The following TMEM41B variants were observed in gnomAD, a reference collection of about 807,000 sequenced individuals.
TMEM41B encodes the protein protein stasimon.
Under a neutral mutation model 31.9 loss-of-function variants are expected in TMEM41B, and 18 were observed. That is an observed-to-expected ratio of 0.56 (90% CI 0.39 to 0.84). The LOEUF is 0.84. Ranked by LOEUF, TMEM41B falls within the 40% of genes least tolerant of loss-of-function variation. The pLI, the probability that TMEM41B is intolerant of heterozygous loss-of-function variation, is 0.00. For synonymous variants in TMEM41B, 144 were observed against 124.3 expected, an observed-to-expected ratio of 1.16 and a Z score of -1.05; for missense variants, 322 against 348.0, an observed-to-expected ratio of 0.93 and a Z score of 0.59.
rs1303767257 is a variant in TMEM41B, at chr11:9,286,725, C to T, written c.568-132G>A. 17 of 938,490 alleles carry T rather than the reference C, an allele frequency of 1.8e-5. No individual in the cohort carries two copies. In the East Asian group the frequency reaches 2.4e-4, roughly 13 times the overall value. 58.1% of individuals were successfully genotyped at this position (938,490 alleles called of 1,614,324 possible). On this transcript the variant is annotated intron_variant, in intron 5 of 6. Transcript: ENST00000528080. ...TACCCAATAGAAATGATCAGGCTGG[C>T]GAGGTGGTTCATGCCTGTAATCCCA...
intron 2 of TMEM41B, among the ~76,000 whole-genome samples, chr11:9,297,742 C>A (rs1211483402): frequency 2.0e-5 from 3 of 151,818 alleles, no homozygotes; most frequent in African/African-American, 7.3e-5. Context: ...CGCTATGTGA[C>A]CCAGGCTGTT....
rs370500600 is a variant in TMEM41B at position 9,283,910 on chromosome 11, G to A, written c.707-317C>T. Among the ~76,000 whole-genome samples the A allele has an allele frequency of 1.3e-4, 20 of 151,588 alleles. No homozygotes were observed. The East Asian group carries it at 1.8e-3, about 13-fold the overall frequency. ...AACAATTCTCCTGCCTCAGCCTCCC[G>A]AGTAGCTGGGATTACAGGCATGTGC... On this transcript the variant is annotated intron_variant, in intron 6 of 6. Coordinates refer to ENST00000528080, the MANE Select transcript of TMEM41B (RefSeq NM_015012.4).
intron 3 of TMEM41B, among the ~76,000 whole-genome samples, chr11:9,292,237 A>G (rs1044534001): frequency 5.3e-5 from 8 of 152,148 alleles, no homozygotes; most frequent in African/African-American, 1.2e-4. Flanking sequence ...TTGGATACTT[A>G]GGGTAGTTTA....
chr11:9,289,735 A>G (rs1017214689), intron 3 of TMEM41B, among the ~76,000 whole-genome samples: 36 of 152,256 alleles, frequency 2.4e-4, no homozygotes, highest in African/African-American at 8.2e-4. Context: ...CTTTTTCTCA[A>G]TAGTCACCTT....
intron 3 of TMEM41B, 128 bp downstream of exon 3, chr11:9,295,131 A>G: frequency 9.2e-7 from 1 of 1,091,780 alleles, no homozygotes; most frequent in Non-Finnish European, 1.2e-6. Flanking sequence ...TAATTTTTCA[A>G]TTATTTAATA....
chr11:9,309,934 C>A (rs1370711605), intron 1 of TMEM41B, among the ~76,000 whole-genome samples: 3 of 148,100 alleles, frequency 2.0e-5, no homozygotes, highest in Non-Finnish European at 3.0e-5. Flanking sequence ...AAAAAAAAAA[C>A]AAAAGAACAA....
At chr11:9,304,483 A>C (rs1422051632) in intron 1 of TMEM41B, among the ~76,000 whole-genome samples, 1 of 151,978 alleles carries the variant, frequency 6.6e-6, no homozygotes, top group Non-Finnish European at 1.5e-5. Flanking sequence ...TTATTTATTT[A>C]CTTTTATGAG....
intron 1 of TMEM41B, among the ~76,000 whole-genome samples, chr11:9,310,745 A>C (rs1853540706): frequency 6.8e-6 from 1 of 147,986 alleles, no homozygotes; most frequent in Non-Finnish European, 1.5e-5. Context: ...GAGATAGCAT[A>C]CTGGGCTAAG....
In TMEM41B at chr11:9,309,715, G is replaced by A. The variant is rs568561016; in HGVS notation, c.121+4606C>T. 5.5e-4 allele frequency among the ~76,000 whole-genome samples: 83 copies of A among 151,736 alleles called. 1 individual carries two copies. The highest frequency in any genetic ancestry group is 1.2e-3 in the Admixed American group (18 of 15,194). Reference sequence around the variant, plus strand: ...AGGCAGGCAGATCACAAGGTCAGGAGATCGAGACCATCCTGGCTAACATGG... The same window carrying A: ...AGGCAGGCAGATCACAAGGTCAGGAAATCGAGACCATCCTGGCTAACATGG... On this transcript the variant is annotated intron_variant, in intron 1 of 6. Coordinates refer to ENST00000528080, the MANE Select transcript of TMEM41B (RefSeq NM_015012.4).
intron 3 of TMEM41B, among the ~76,000 whole-genome samples, chr11:9,292,044 A>G (rs1436381467): frequency 2.6e-5 from 4 of 152,154 alleles, no homozygotes; most frequent in African/African-American, 9.7e-5. Flanking sequence ...CCATTGTCAG[A>G]CTTCAAGAAA....
intron 2 of TMEM41B, 56 bp from the exon 3 acceptor site, chr11:9,295,443 G>C (rs1853062685): frequency 1.0e-6 from 1 of 996,770 alleles, no homozygotes; most frequent in Admixed American, 2.5e-5. Context: ...TAATATCAAA[G>C]TCAAGTTCAC....
chr11:9,303,218 C>T (rs1371245670), intron 1 of TMEM41B, among the ~76,000 whole-genome samples: 1 of 151,990 alleles, frequency 6.6e-6, no homozygotes, highest in Non-Finnish European at 1.5e-5. Flanking sequence ...GGGGTTTCAC[C>T]ATATTGGCCA....
At position 9,288,491 on chromosome 11, in the gene TMEM41B, A is replaced by G; in HGVS notation, c.413T>C (p.Leu138Pro). The change falls in exon 4 of 7, where the codon CTC becomes CCC. Residue 138 changes from leucine to proline, a missense_variant. Physicochemically the swap from Leu to Pro is moderately conservative, Grantham distance 98. Coordinates refer to ENST00000528080, the MANE Select transcript of TMEM41B (RefSeq NM_015012.4). ...AIPGSIFLSI[L>P]SGFLYPFPLA... ...TGGAAAGGGATAAAGAAACCCTGAGAGTATACTGAGAAATATAGAGCCTGG... is the reference window on the plus strand; with the variant it reads ...TGGAAAGGGATAAAGAAACCCTGAGGGTATACTGAGAAATATAGAGCCTGG... The G allele has an allele frequency of 6.3e-7, 1 of 1,599,508 alleles. No homozygotes were observed.
chr11:9,288,591 A>C (rs768635147), intron 3 of TMEM41B, 56 bp from the exon 4 acceptor site: 5 of 1,264,848 alleles, frequency 4.0e-6, no homozygotes, highest in Non-Finnish European at 5.5e-6. Context: ...TTAAAAGACA[A>C]ATGTAACATT....
chr11:9,311,586 G>T (rs1461753062), intron 1 of TMEM41B: 2 of 1,063,096 alleles, frequency 1.9e-6, no homozygotes. Flanking sequence ...TGGGGGAAAG[G>T]GTGGGTTGAT....
rs375622747 is a variant in TMEM41B at position 9,308,215 on chromosome 11, C to T, written c.121+6106G>A. Among the ~76,000 whole-genome samples the T allele has an allele frequency of 1.2e-4, 18 of 152,144 alleles. No individual in the cohort carries two copies. In the East Asian group the frequency reaches 2.7e-3, roughly 23 times the overall value. ...AAAATTAGTTGGGCGTGGTGGTATG[C>T]GCCTGTAATCCCAGCTACTGGGGAG... On this transcript the variant is annotated intron_variant, in intron 1 of 6. Transcript: ENST00000528080.
intron 4 of TMEM41B, 88 bp downstream of exon 4, chr11:9,288,354 T>TA (rs1375645419): frequency 1.1e-6 from 1 of 874,212 alleles, no homozygotes; most frequent in Non-Finnish European, 1.7e-6. Context: ...AGTTTATGCT[T>TA]ACATAGACTA....
intron 1 of TMEM41B, among the ~76,000 whole-genome samples, chr11:9,307,597 C>T (rs896758347): frequency 6.6e-6 from 1 of 151,800 alleles, no homozygotes; most frequent in Non-Finnish European, 1.5e-5. Flanking sequence ...CGTGGGCCAC[C>T]ACGTCCGGCT....
chr11:9,281,134 C>T lies in TMEM41B; in HGVS notation c.*2290G>A, dbSNP rs1852710608. 6.6e-6 allele frequency: 1 copy of T among 152,084 alleles called. No homozygotes were observed. The highest frequency in any genetic ancestry group is 2.1e-4 in the South Asian group (1 of 4,830). 9.4% of individuals were successfully genotyped at this position (152,084 alleles called of 1,614,324 possible). On this transcript the variant is annotated 3_prime_UTR_variant, in exon 7 of 7. Transcript: ENST00000528080. ...GAGAATAGAGTAAGTACAATTTACACACGCTGGAGTAAATAGTGAAGCTTC... is the reference window on the plus strand; with the variant it reads ...GAGAATAGAGTAAGTACAATTTACATACGCTGGAGTAAATAGTGAAGCTTC...
Sources: gnomAD v4.1 joint callset for allele counts (sites outside exome capture counted in the v4.1 genomes callset) on GRCh38, gnomAD v4.1.1 for gene constraint, MANE v1.5 for transcripts, NCBI Gene and HGNC (gene_info 2026-07-23, HGNC 2026-07-21) for gene names.